The following BSND variants were observed in gnomAD, a reference collection of about 807,000 sequenced individuals.
BSND encodes barttin.
In BSND, 13 loss-of-function variants were observed where a neutral mutation model predicts 18.8. The observed-to-expected ratio is 0.69, with a 90% CI of 0.45 to 1.10. The LOEUF is 1.10. Among genes scored for constraint, BSND ranks in the 50% least tolerant of loss-of-function variants. The pLI is 0.00. For missense variants in BSND, 379 were observed against 416.7 expected, an observed-to-expected ratio of 0.91 and a Z score of 0.79; for synonymous variants, 170 against 161.8, an observed-to-expected ratio of 1.05 and a Z score of -0.39.
intron 2 of BSND, among the ~76,000 whole-genome samples, chr1:55,005,856 C>G (rs939494424): frequency 6.6e-6 from 1 of 152,018 alleles, no homozygotes; most frequent in Admixed American, 6.5e-5. Flanking sequence ...TGATGGAAGC[C>G]GGGCCTGCAC....
rs1490847621 is a variant in BSND, at chr1:55,014,438, A to T, written c.*5810A>T. On this transcript the variant is annotated 3_prime_UTR_variant, in exon 4 of 4. Transcript: ENST00000651561. Reference sequence around the variant, plus strand: ...AGGCATGTTGTGAAGATTGGATGAGATCATGCATATTGAGTGTAGCATGTG... The same window carrying T: ...AGGCATGTTGTGAAGATTGGATGAGTTCATGCATATTGAGTGTAGCATGTG... Among the ~76,000 whole-genome samples the T allele has an allele frequency of 6.6e-6, 1 of 152,226 alleles. No homozygotes were observed. Among genetic ancestry groups the T allele is most frequent in the Non-Finnish European group, 1.5e-5 (1 of 68,028 alleles).
At chr1:55,004,780 G>A (rs573259070) in intron 1 of BSND, among the ~76,000 whole-genome samples, 1 of 152,328 alleles carries the variant, frequency 6.6e-6, no homozygotes, top group East Asian at 1.9e-4. Context: ...GACAGTGCCT[G>A]CACACAGCAG....
rs1268170152 is a variant in BSND, at chr1:55,008,623, G to T, written c.958G>T (p.Gly320Cys). The T allele has an allele frequency of 1.2e-6, 2 of 1,614,020 alleles. No homozygotes were observed. The highest frequency in any genetic ancestry group is 1.7e-6 in the Non-Finnish European group (2 of 1,180,046). The change falls in exon 4 of 4, where the codon GGC (glycine) becomes TGC (cysteine). Residue 320 changes from glycine (G) to cysteine (C), a missense_variant. Gly to Cys is a radical substitution (Grantham distance 159). Coordinates refer to ENST00000651561, the MANE Select transcript of BSND (RefSeq NM_057176.3). ...KELGFEPDTQ[G>C] ...GCTGGGTTTTGAGCCTGACACCCAAGGCTGAGATGTTTGTGCTCCGTAGCT... is the reference window on the plus strand; with the variant it reads ...GCTGGGTTTTGAGCCTGACACCCAATGCTGAGATGTTTGTGCTCCGTAGCT...
intron 1 of BSND, among the ~76,000 whole-genome samples, chr1:55,003,988 T>C (rs1644376424): frequency 6.6e-6 from 1 of 152,208 alleles, no homozygotes; most frequent in South Asian, 2.1e-4. Flanking sequence ...TCTATACCCA[T>C]TAAATCACAA....
Position 54,999,065 on chromosome 1 carries a change from A to G in BSND, c.-122A>G. 1.6e-6 allele frequency: 2 copies of G among 1,229,540 alleles called. No individual in the cohort carries two copies. Among genetic ancestry groups the G allele is most frequent in the Non-Finnish European group, 2.3e-6 (2 of 860,390 alleles). 76.2% of individuals were successfully genotyped at this position (1,229,540 alleles called of 1,614,324 possible). On this transcript the variant is annotated 5_prime_UTR_variant, in exon 1 of 4. Coordinates refer to ENST00000651561, the MANE Select transcript of BSND (RefSeq NM_057176.3). The stretch of plus-strand genomic sequence containing the variant: ...TGAAAGGGATCTTGCTCTCCCTTGA[A>G]GCCTTGAGTTGCAGCGATTTCAGTG...
Position 55,008,574 on chromosome 1 carries a change from C to T in BSND, c.909C>T (p.Ala303=), listed in dbSNP as rs756452755. The change falls in exon 4 of 4, where the codon GCC becomes GCT. Residue 303 remains alanine (A), a synonymous_variant. Coordinates refer to ENST00000651561, the MANE Select transcript of BSND (RefSeq NM_057176.3). ...TGTACTATGGGCTGCCAGATGGAGC[C>T]GGGGACCTCCTCCCGGACAAGGAGC... is the stretch of plus-strand genomic sequence containing the variant. The part of the protein sequence containing the change: ...EDLYYGLPDG[A]GDLLPDKELG... 42 of 1,614,008 alleles carry T rather than the reference C, an allele frequency of 2.6e-5. No homozygotes were observed. The highest frequency in any genetic ancestry group is 7.7e-5 in the South Asian group (7 of 91,078).
chr1:55,011,265 A>G lies in BSND; in HGVS notation c.*2637A>G, dbSNP rs1410051548. 1 of 152,220 alleles carries G rather than the reference A, an allele frequency of 6.6e-6. No homozygotes were observed. Among genetic ancestry groups the G allele is most frequent in the Admixed American group, 6.5e-5 (1 of 15,284 alleles). The allele number at this position is 152,220 out of a possible 1,614,324, so 9.4% of individuals were successfully genotyped here. On this transcript the variant is annotated 3_prime_UTR_variant, in exon 4 of 4. Transcript: ENST00000651561. ...GGGAGACCACACACCTGATCTGCCC[A>G]GGAAGGTCCCGGTTGACACCGACTG...
rs1453364585 is a variant in BSND at position 55,014,565 on chromosome 1, G to C, written c.*5937G>C. Among the ~76,000 whole-genome samples the C allele has an allele frequency of 2.0e-5, 3 of 152,188 alleles. No homozygotes were observed. The highest frequency in any genetic ancestry group is 4.4e-5 in the Non-Finnish European group (3 of 68,040). ...AGACATCAGGTGCCCATGTGCACCT[G>C]GGTCGTTCAAGCCTACAAGCACTGT... is the stretch of plus-strand genomic sequence containing the variant. On this transcript the variant is annotated 3_prime_UTR_variant, in exon 4 of 4. Transcript: ENST00000651561.
At chr1:55,005,372 T>C (rs1485318210) in intron 2 of BSND, among the ~76,000 whole-genome samples, 3 of 152,210 alleles carry the variant, frequency 2.0e-5, no homozygotes, top group Non-Finnish European at 4.4e-5. Flanking sequence ...ATACAAGATC[T>C]CCATGAAACA....
In BSND at chr1:55,014,048, T is replaced by A. The variant is rs1158392273; in HGVS notation, c.*5420T>A. On this transcript the variant is annotated 3_prime_UTR_variant, in exon 4 of 4. Coordinates refer to ENST00000651561, the MANE Select transcript of BSND (RefSeq NM_057176.3). ...CCCTCCTAAACTGTGTGCCCCGCTCTGTCCCCAGCACTTCTGAATGACTAG... is the reference window on the plus strand; with the variant it reads ...CCCTCCTAAACTGTGTGCCCCGCTCAGTCCCCAGCACTTCTGAATGACTAG... Among the ~76,000 whole-genome samples the A allele has an allele frequency of 6.6e-6, 1 of 152,228 alleles. No homozygotes were observed. Among genetic ancestry groups the A allele is most frequent in the African/African-American group, 2.4e-5 (1 of 41,460 alleles).
intron 1 of BSND, 34 bp from the exon 2 acceptor site, chr1:55,004,988 A>C: frequency 6.2e-7 from 1 of 1,600,308 alleles, no homozygotes. Context: ...TACCCTGGTC[A>C]ACTGCACAGA....
rs572452491 is a variant in BSND at position 55,014,911 on chromosome 1, G to A, written c.*6283G>A. 1.8e-4 allele frequency among the ~76,000 whole-genome samples: 28 copies of A among 152,306 alleles called. No individual in the cohort carries two copies. The South Asian group carries it at 5.8e-3, about 32-fold the overall frequency. On this transcript the variant is annotated 3_prime_UTR_variant, in exon 4 of 4. Coordinates refer to ENST00000651561, the MANE Select transcript of BSND (RefSeq NM_057176.3). ...AGAATGAAGGAGTGAGGGTATCTCAGGCAGAGGGCATGGCATAGGCAAAGC... is the reference window on the plus strand; with the variant it reads ...AGAATGAAGGAGTGAGGGTATCTCAAGCAGAGGGCATGGCATAGGCAAAGC...
At chr1:55,003,482 G>A (rs547565612) in intron 1 of BSND, among the ~76,000 whole-genome samples, 18 of 152,110 alleles carry the variant, frequency 1.2e-4, no homozygotes, top group Middle Eastern at 3.4e-3. Context: ...TAGAGAAAGC[G>A]CACTCCTCAT....
In BSND at chr1:55,016,808, A is replaced by G. The variant is rs1644453814; in HGVS notation, c.*8180A>G. Among the ~76,000 whole-genome samples the G allele has an allele frequency of 6.6e-6, 1 of 152,218 alleles. No individual in the cohort carries two copies. The highest frequency in any genetic ancestry group is 6.5e-5 in the Admixed American group (1 of 15,276). On this transcript the variant is annotated 3_prime_UTR_variant, in exon 4 of 4. Transcript: ENST00000651561. ...CTATACTTACAGAAGGCAGTTTATCATAGCGTTGATGATGGTAGATGAAAT... is the reference window on the plus strand; with the variant it reads ...CTATACTTACAGAAGGCAGTTTATCGTAGCGTTGATGATGGTAGATGAAAT...
rs950736462 is a variant in BSND, at chr1:55,015,819, G to A, written c.*7191G>A. On this transcript the variant is annotated 3_prime_UTR_variant, in exon 4 of 4. Coordinates refer to ENST00000651561, the MANE Select transcript of BSND (RefSeq NM_057176.3). ...AGTGCTGAGCAGAGGGAAGCACGGCGGGGATCTGACCCCACCTGGAGAGTC... is the reference window on the plus strand; with the variant it reads ...AGTGCTGAGCAGAGGGAAGCACGGCAGGGATCTGACCCCACCTGGAGAGTC... Among the ~76,000 whole-genome samples, 10 of 152,184 alleles carry A rather than the reference G, an allele frequency of 6.6e-5. No homozygotes were observed. The highest frequency in any genetic ancestry group is 2.2e-4 in the African/African-American group (9 of 41,432).
At position 55,008,748 on chromosome 1, in the gene BSND, A is replaced by G. The variant is rs1644405425; in HGVS notation, c.*120A>G. The G allele has an allele frequency of 4.2e-6, 6 of 1,413,964 alleles. No homozygotes were observed. The highest frequency in any genetic ancestry group is 5.9e-6 in the Non-Finnish European group (6 of 1,010,376). 87.6% of individuals were successfully genotyped at this position (1,413,964 alleles called of 1,614,324 possible). A position where few individuals can be genotyped will look rare whatever the true frequency, so the allele number is the denominator to read the frequency against. ...TATGGAGGTTCAATGAGATGGTGGC[A>G]TTTTGAGAATGGTAAAGAAATACAC... On this transcript the variant is annotated 3_prime_UTR_variant, in exon 4 of 4. Transcript: ENST00000651561.
At chr1:55,001,832 A>C (rs1375268798) in intron 1 of BSND, among the ~76,000 whole-genome samples, 1 of 152,132 alleles carries the variant, frequency 6.6e-6, no homozygotes. Context: ...CAGGCAGAAG[A>C]GTAGCATGAT....
Position 55,008,461 on chromosome 1 carries a change from A to G in BSND, c.796A>G (p.Asn266Asp). 1 of 1,614,184 alleles carries G rather than the reference A, an allele frequency of 6.2e-7. No homozygotes were observed. The highest frequency in any genetic ancestry group is 1.3e-5 in the African/African-American group (1 of 75,054). ...GQQWEIALPN[N>D]WQRYPRTKVE... ...GCAGTGGGAAATAGCCCTGCCCAAC[A>G]ACTGGCAGCGGTACCCAAGGACAAA... Residue 266 changes from asparagine to aspartate, a missense_variant, in exon 4 of 4, where the codon AAC (asparagine) becomes GAC (aspartate). By Grantham distance (23) the Asn-to-Asp change is conservative. Transcript: ENST00000651561.
chr1:55,003,400 A>T (rs1644373211), intron 1 of BSND, among the ~76,000 whole-genome samples: 1 of 152,000 alleles, frequency 6.6e-6, no homozygotes, highest in East Asian at 1.9e-4. Context: ...TTGTTATTTA[A>T]TTTTTTTATT....
Sources: gnomAD v4.1 joint callset for allele counts (sites outside exome capture counted in the v4.1 genomes callset) on GRCh38, gnomAD v4.1.1 for gene constraint, MANE v1.5 for transcripts, NCBI Gene and HGNC (gene_info 2026-07-23, HGNC 2026-07-21) for gene names.